Variants in DNM1 observed in about 807,000 individuals in gnomAD.
DNM1 encodes the protein dynamin 1.
DNM1 carries 29 observed loss-of-function variants against 104.6 expected under a neutral mutation model. That is an observed-to-expected ratio of 0.28 (90% CI 0.21 to 0.38). The LOEUF is 0.38. DNM1 is among the 10% of genes least tolerant of loss of function. The pLI is 1.00. For synonymous variants in DNM1, 445 were observed against 475.8 expected, an observed-to-expected ratio of 0.94 and a Z score of 0.84; for missense variants, 640 against 1,189.4, an observed-to-expected ratio of 0.54 and a Z score of 6.79.
rs1284574040 is a variant in DNM1 at position 128,253,935 on chromosome 9, A to T, written c.2535-719A>T. ...AGGGGACGACCGTGCCTGCTGGCCCAGCTGAGCTCCGCCCAGTGAGCCCAC... is the reference window on the plus strand; with the variant it reads ...AGGGGACGACCGTGCCTGCTGGCCCTGCTGAGCTCCGCCCAGTGAGCCCAC... On this transcript the variant is annotated intron_variant, in intron 21 of 21. Transcript: ENST00000372923. This position sits in a 1 kb window ranked among gnomAD's most constrained non-coding sequence, Gnocchi z 5.9. 80 of 1,232,742 alleles carry T rather than the reference A, an allele frequency of 6.5e-5. No individual in the cohort carries two copies. The highest frequency in any genetic ancestry group is 7.9e-5 in the Non-Finnish European group (78 of 988,640). 76.4% of individuals were successfully genotyped at this position (1,232,742 alleles called of 1,614,324 possible). A position where few individuals can be genotyped will look rare whatever the true frequency, so the allele number is the denominator to read the frequency against.
intron 10 of DNM1, among the ~76,000 whole-genome samples, chr9:128,227,009 CTT>C (rs369464140): frequency 6.9e-5 from 7 of 101,774 alleles, no homozygotes; most frequent in African/African-American, 1.7e-4. Context: ...ATCTCCATTC[CTT>C]TTTTTTTTTT....
chr9:128,251,504 T>C, intron 21 of DNM1: 1 of 218,632 alleles, frequency 4.6e-6, no homozygotes, highest in South Asian at 5.2e-5. Flanking sequence ...GAAAGGTGTG[T>C]GATGTGTGTG....
chr9:128,254,003 C>T lies in DNM1; in HGVS notation c.2535-651C>T. The T allele has an allele frequency of 1.6e-6, 2 of 1,234,594 alleles. No individual in the cohort carries two copies. Among genetic ancestry groups the T allele is most frequent in the Non-Finnish European group, 2.0e-6 (2 of 989,846 alleles). 76.5% of individuals were successfully genotyped at this position (1,234,594 alleles called of 1,614,324 possible). A position where few individuals can be genotyped will look rare whatever the true frequency, so the allele number is the denominator to read the frequency against. ...CTGACTCTCGCTCTTCTGCTTTTCC[C>T]AGCAGGAAGGGCCCAGCCTCACCTA... On this transcript the variant is annotated intron_variant, in intron 21 of 21. Coordinates refer to ENST00000372923, the MANE Select transcript of DNM1 (RefSeq NM_004408.4). The surrounding 1 kb of genome is among the most constrained non-coding windows in gnomAD (Gnocchi z 6.1).
At chr9:128,207,793 C>T (rs760100995) in intron 1 of DNM1, among the ~76,000 whole-genome samples, 11 of 152,164 alleles carry the variant, frequency 7.2e-5, no homozygotes, top group South Asian at 2.1e-4. Flanking sequence ...ATGGAGGACG[C>T]GCTGCTTCTA....
At position 128,243,508 on chromosome 9, in the gene DNM1, C is replaced by T. The variant is rs1836528856; in HGVS notation, c.1671+1163C>T. ...CCAACTCTCCACCTTGGGAGGGGCC[C>T]TCTGTCGTCACTGGCGGGGGCGCCA... On this transcript the variant is annotated intron_variant, in intron 15 of 21. Transcript: ENST00000372923. This position sits in a 1 kb window ranked among gnomAD's most constrained non-coding sequence, Gnocchi z 4.0. 6.6e-6 allele frequency among the ~76,000 whole-genome samples: 1 copy of T among 152,236 alleles called. No homozygotes were observed. Among genetic ancestry groups the T allele is most frequent in the East Asian group, 1.9e-4 (1 of 5,190 alleles).
At position 128,240,060 on chromosome 9, in the gene DNM1, G is replaced by C; in HGVS notation, c.1557+64G>C. ...GGGGGCGGAGGGTCCATCGGCAGTG[G>C]GGATCTGCAACGGGTAGGAGGGCAC... On this transcript the variant is annotated intron_variant, in intron 14 of 21. Coordinates refer to ENST00000372923, the MANE Select transcript of DNM1 (RefSeq NM_004408.4). This position sits in a 1 kb window ranked among gnomAD's most constrained non-coding sequence, Gnocchi z 5.1. The C allele has an allele frequency of 6.3e-7, 1 of 1,594,200 alleles. No individual in the cohort carries two copies. The highest frequency in any genetic ancestry group is 8.6e-7 in the Non-Finnish European group (1 of 1,162,386).
In DNM1 at chr9:128,240,341, C is replaced by G. The variant is rs1215109614; in HGVS notation, c.1557+345C>G. The G allele has an allele frequency of 6.3e-6, 2 of 316,392 alleles. No individual in the cohort carries two copies. Among genetic ancestry groups the G allele is most frequent in the Non-Finnish European group, 1.2e-5 (2 of 167,908 alleles). 19.6% of individuals were successfully genotyped at this position (316,392 alleles called of 1,614,324 possible). A position where few individuals can be genotyped will look rare whatever the true frequency, so the allele number is the denominator to read the frequency against. The stretch of plus-strand genomic sequence containing the variant: ...TTTTTAAGAAGCTGACAGCCATCGC[C>G]TCCGGACTTGAATGAAGAGACGAAT... On this transcript the variant is annotated intron_variant, in intron 14 of 21. Coordinates refer to ENST00000372923, the MANE Select transcript of DNM1 (RefSeq NM_004408.4). The surrounding 1 kb of genome is among the most constrained non-coding windows in gnomAD (Gnocchi z 5.1).
At chr9:128,233,405 G>A (rs151199505) in intron 10 of DNM1, among the ~76,000 whole-genome samples, 63 of 152,218 alleles carry the variant, frequency 4.1e-4, no homozygotes, top group Non-Finnish European at 7.2e-4. Context: ...CCCAGCCCTC[G>A]CATGCTTTTG....
chr9:128,254,427 C>T lies in DNM1; in HGVS notation c.2535-227C>T. ...TGGGGTGGGGAGGGCCGCCACAGCC[C>T]CCAGGCGCTATCTGTGAAGCTACGG... On this transcript the variant is annotated intron_variant, in intron 21 of 21. Coordinates refer to ENST00000372923, the MANE Select transcript of DNM1 (RefSeq NM_004408.4). This position sits in a 1 kb window ranked among gnomAD's most constrained non-coding sequence, Gnocchi z 6.1. 1 of 1,449,742 alleles carries T rather than the reference C, an allele frequency of 6.9e-7. No individual in the cohort carries two copies. The highest frequency in any genetic ancestry group is 9.0e-7 in the Non-Finnish European group (1 of 1,109,314). The allele number at this position is 1,449,742 out of a possible 1,614,324, so 89.8% of individuals were successfully genotyped here.
chr9:128,207,361 G>A (rs939878501), intron 1 of DNM1, among the ~76,000 whole-genome samples: 9 of 152,032 alleles, frequency 5.9e-5, no homozygotes, highest in African/African-American at 1.9e-4. Context: ...GCTCATCCTG[G>A]GGGTAAGTGT....
At position 128,233,068 on chromosome 9, in the gene DNM1, G is replaced by C. The variant is rs1414994809; in HGVS notation, c.1336-953G>C. 2.0e-5 allele frequency among the ~76,000 whole-genome samples: 3 copies of C among 152,256 alleles called. No individual in the cohort carries two copies. The East Asian group carries it at 5.8e-4, about 29-fold the overall frequency. On this transcript the variant is annotated intron_variant, in intron 10 of 21. Transcript: ENST00000372923. Reference sequence around the variant, plus strand: ...AGCTGAAGTCCGGCAGAACCTTGTAGTCAAGTGAATCACCTGGGCTGTGCC... The same window carrying C: ...AGCTGAAGTCCGGCAGAACCTTGTACTCAAGTGAATCACCTGGGCTGTGCC...
At chr9:128,251,174 C>T (rs553975418) in intron 21 of DNM1, 9 of 678,556 alleles carry the variant, frequency 1.3e-5, no homozygotes, top group African/African-American at 1.2e-4. Context: ...GGCTGTGGGG[C>T]TCGTCCCACC....
rs946019562 is a variant in DNM1 at position 128,243,779 on chromosome 9, G to C, written c.1671+1434G>C. ...GGGTGACACTGTGGGGGAGGGGCACGTGCCACTGAGGGGGTCCCCTGATCT... is the reference window on the plus strand; with the variant it reads ...GGGTGACACTGTGGGGGAGGGGCACCTGCCACTGAGGGGGTCCCCTGATCT... On this transcript the variant is annotated intron_variant, in intron 15 of 21. Coordinates refer to ENST00000372923, the MANE Select transcript of DNM1 (RefSeq NM_004408.4). This position sits in a 1 kb window ranked among gnomAD's most constrained non-coding sequence, Gnocchi z 4.0. Among the ~76,000 whole-genome samples, 3 of 152,154 alleles carry C rather than the reference G, an allele frequency of 2.0e-5. No individual in the cohort carries two copies. Among genetic ancestry groups the C allele is most frequent in the African/African-American group, 7.2e-5 (3 of 41,422 alleles).
At chr9:128,232,067 G>A (rs769659022) in intron 10 of DNM1, 4 of 456,244 alleles carry the variant, frequency 8.8e-6, no homozygotes, top group Middle Eastern at 3.3e-4. Flanking sequence ...TCAAAGGGGT[G>A]GAGGCTGCCC....
chr9:128,251,025 C>A, intron 21 of DNM1, 85 bp downstream of exon 21: 1 of 916,302 alleles, frequency 1.1e-6, no homozygotes, highest in Non-Finnish European at 1.7e-6. Context: ...GAGCATCGGA[C>A]CTGGCCGCCA....
At chr9:128,233,913 G>T (rs1197474277) in intron 10 of DNM1, 108 bp from the exon 11 acceptor site, 1 of 994,894 alleles carries the variant, frequency 1.0e-6, no homozygotes, top group Non-Finnish European at 1.5e-6. Context: ...TGGGCATTCT[G>T]TGTGTGCCTC....
chr9:128,249,734 A>G (rs1419135262), intron 19 of DNM1, among the ~76,000 whole-genome samples: 6 of 151,024 alleles, frequency 4.0e-5, no homozygotes, highest in Non-Finnish European at 7.4e-5. Context: ...CTGACATTGG[A>G]AGATAACTTT....
chr9:128,228,837 G>T (rs1163468363), intron 10 of DNM1, among the ~76,000 whole-genome samples: 1 of 151,970 alleles, frequency 6.6e-6, no homozygotes, highest in Non-Finnish European at 1.5e-5. Flanking sequence ...GCAAAAATTA[G>T]ACGGGCATGG....
Position 128,250,348 on chromosome 9 carries a change from C to T in DNM1, c.2310C>T (p.Ala770=), listed in dbSNP as rs1224582228. Residue 770 remains alanine (A), a synonymous_variant, in exon 20 of 22, where the codon GCC becomes GCT. Coordinates refer to ENST00000372923, the MANE Select transcript of DNM1 (RefSeq NM_004408.4). ...GGCTGCAGGTGCAGAGCGTACCGGC[C>T]GGACGCAGGTACCAGGGCCGGCCCC... ...DSWLQVQSVP[A]GRRSPTSSPT... is the part of the protein sequence containing the mutation. 6 of 1,583,746 alleles carry T rather than the reference C, an allele frequency of 3.8e-6. No individual in the cohort carries two copies. The highest frequency in any genetic ancestry group is 2.3e-5 in the East Asian group (1 of 43,418).
Sources: allele counts gnomAD v4.1 joint callset (sites outside exome capture counted in the v4.1 genomes callset), GRCh38; gene constraint gnomAD v4.1.1; non-coding constraint Gnocchi (gnomAD v3.1); transcripts MANE v1.5; gene names NCBI Gene and HGNC (gene_info 2026-07-23, HGNC 2026-07-21).